Variants in TEX11 observed in about 807,000 individuals in gnomAD.
The protein encoded by TEX11 is testis-expressed protein 11.
In TEX11, 7 loss-of-function variants were observed where a neutral mutation model predicts 84.4. The observed-to-expected ratio is 0.08, with a 90% CI of 0.05 to 0.16. TEX11 has a LOEUF of 0.16. Among genes scored for constraint, TEX11 ranks in the 10% least tolerant of loss-of-function variants. TEX11 has a pLI of 1.00. For missense variants in TEX11, 551 were observed against 660.5 expected, an observed-to-expected ratio of 0.83 and a Z score of 1.82; for synonymous variants, 264 against 222.8, an observed-to-expected ratio of 1.18 and a Z score of -1.64.
intron 8 of TEX11, among the ~76,000 whole-genome samples, chrX:70,828,738 G>A (rs1409449633): frequency 1.8e-5 from 2 of 111,101 alleles, no homozygotes. Context: ...TCAAGTATAA[G>A]AAGGTTATAG....
intron 27 of TEX11, 147 bp downstream of exon 27, chrX:70,553,159 C>T (rs760181273): frequency 6.0e-6 from 2 of 331,999 alleles, no homozygotes; most frequent in South Asian, 2.6e-4. Context: ...TGTAATACAA[C>T]TCTCAGTATG....
intron 2 of TEX11, among the ~76,000 whole-genome samples, chrX:70,894,850 C>A (rs2091758895): frequency 9.0e-6 from 1 of 111,658 alleles, no homozygotes; most frequent in Non-Finnish European, 1.9e-5. Context: ...ATGCTAAAAA[C>A]TCTCAATAAA....
At position 70,750,888 on chromosome X, in the gene TEX11, A is replaced by G. The variant is rs1361676477; in HGVS notation, c.693-6669T>C. On this transcript the variant is annotated intron_variant, in intron 9 of 29. Transcript: ENST00000374333. ...TATACATATGTAACTAACCTGCACA[A>G]TGTGCACATGTATCCTAAAACTTAA... Among the ~76,000 whole-genome samples, 52 of 76,478 alleles carry G rather than the reference A, an allele frequency of 6.8e-4. 1 individual carries two copies. The highest frequency in any genetic ancestry group is 2.3e-3 in the African/African-American group (49 of 21,508). The allele number at this position is 76,478 out of a possible 115,157, so 66.4% of individuals were successfully genotyped here. A position where few individuals can be genotyped will look rare whatever the true frequency, so the allele number is the denominator to read the frequency against.
At chrX:70,823,943 C>A (rs772722658) in intron 8 of TEX11, among the ~76,000 whole-genome samples, 2 of 111,652 alleles carry the variant, frequency 1.8e-5, no homozygotes, top group Non-Finnish European at 3.8e-5. Context: ...TCACTTAAAT[C>A]TGAAAGATGG....
intron 9 of TEX11, among the ~76,000 whole-genome samples, chrX:70,803,269 T>C (rs1401490971): frequency 8.9e-6 from 1 of 112,459 alleles, no homozygotes; most frequent in Non-Finnish European, 1.9e-5. Flanking sequence ...GGCAAATACG[T>C]TGACAATCCA....
chrX:70,752,310 A>C (rs2090832077), intron 9 of TEX11, among the ~76,000 whole-genome samples: 1 of 110,336 alleles, frequency 9.1e-6, no homozygotes, highest in Non-Finnish European at 1.9e-5. Context: ...TTATCACCTG[A>C]AGTCAGGAGT....
chrX:70,766,710 C>T (rs771725985), intron 9 of TEX11, among the ~76,000 whole-genome samples: 1 of 111,387 alleles, frequency 9.0e-6, no homozygotes, highest in East Asian at 2.8e-4. Flanking sequence ...AGGAATCACA[C>T]TACCTGACTA....
chrX:70,772,443 G>A (rs756391135), intron 9 of TEX11, among the ~76,000 whole-genome samples: 4 of 110,667 alleles, frequency 3.6e-5, no homozygotes, highest in South Asian at 3.9e-4. Context: ...GCATGGTGAC[G>A]CACACCTGTG....
rs138769315 is a variant in TEX11 at position 70,687,334 on chromosome X, A to G, written c.1005-4509T>C. Reference sequence around the variant, plus strand: ...ATTACAGTTTAAAACTTAACAAGATATCCTCAATATTCTTAAGTATTTAAT... The same window carrying G: ...ATTACAGTTTAAAACTTAACAAGATGTCCTCAATATTCTTAAGTATTTAAT... On this transcript the variant is annotated intron_variant, in intron 13 of 29. Transcript: ENST00000374333. Among the ~76,000 whole-genome samples, 960 of 112,192 alleles carry G rather than the reference A, an allele frequency of 8.6e-3. 12 individuals carry two copies. Among genetic ancestry groups the G allele is most frequent in the African/African-American group, 0.03 (924 of 30,911 alleles).
Position 70,553,307 on chromosome X carries a change from T to G in TEX11, c.2398A>C (p.Ser800Arg), listed in dbSNP as rs201040035. ...KEEPIDISQY[S>R]KCMHNLVNLS... Reference sequence around the variant, plus strand: ...AAAGGCTGGATTGTATTTACTAACCTGTATTGTGATATATCAATTGGTTCT... The same window carrying G: ...AAAGGCTGGATTGTATTTACTAACCGGTATTGTGATATATCAATTGGTTCT... Residue 800 changes from serine to arginine, a missense_variant and splice_region_variant, in exon 27 of 30, where the codon AGC becomes CGC. Coordinates refer to ENST00000374333, the MANE Select transcript of TEX11 (RefSeq NM_031276.3). 1 of 1,169,671 alleles carries G rather than the reference T, an allele frequency of 8.5e-7. No individual in the cohort carries two copies. Among genetic ancestry groups the G allele is most frequent in the East Asian group, 3.0e-5 (1 of 33,465 alleles).
chrX:70,764,861 C>T (rs1266703167), intron 9 of TEX11, among the ~76,000 whole-genome samples: 3 of 111,150 alleles, frequency 2.7e-5, no homozygotes, highest in African/African-American at 9.8e-5. Flanking sequence ...AAGCTGGGGA[C>T]CCAATGACTT....
the TEX11 span, among the ~76,000 whole-genome samples, chrX:70,521,922 A>G: frequency 1.8e-5 from 2 of 110,005 alleles, no homozygotes; most frequent in African/African-American, 6.6e-5. Flanking sequence ...GCAGTGGTAT[A>G]ATCTCAGCTC....
chrX:70,591,706 A>G, intron 25 of TEX11, 45 bp downstream of exon 25: 4 of 1,034,638 alleles, frequency 3.9e-6, no homozygotes, highest in Non-Finnish European at 5.4e-6. Flanking sequence ...TTCGATTCTA[A>G]GCTCCTTTCA....
At chrX:70,681,039 G>A (rs1223006802) in intron 14 of TEX11, among the ~76,000 whole-genome samples, 5 of 112,828 alleles carry the variant, frequency 4.4e-5, no homozygotes, top group Admixed American at 9.3e-5. Context: ...CTTAACTTGC[G>A]TTGATTGTTT....
At chrX:70,589,487 T>A (rs1401132592) in intron 25 of TEX11, among the ~76,000 whole-genome samples, 1 of 111,198 alleles carries the variant, frequency 9.0e-6, no homozygotes, top group Non-Finnish European at 1.9e-5. Flanking sequence ...AGAAATTCAT[T>A]TTTTTTGGTG....
intron 13 of TEX11, among the ~76,000 whole-genome samples, chrX:70,687,058 C>T (rs1354221907): frequency 9.0e-6 from 1 of 111,301 alleles, no homozygotes; most frequent in Non-Finnish European, 1.9e-5. Flanking sequence ...CAAATATATA[C>T]CAAAGTGGAG....
intron 9 of TEX11, among the ~76,000 whole-genome samples, chrX:70,774,689 A>T (rs772696650): frequency 9.0e-6 from 1 of 111,584 alleles, no homozygotes; most frequent in Non-Finnish European, 1.9e-5. Flanking sequence ...ACTAAAAAGC[A>T]CTGGTGAAAG....
chrX:70,638,446 G>C (rs1468152198), intron 17 of TEX11, among the ~76,000 whole-genome samples: 1 of 111,479 alleles, frequency 9.0e-6, no homozygotes, highest in Non-Finnish European at 1.9e-5. Flanking sequence ...CAAAAGCTGA[G>C]GGAGTTCATT....
chrX:70,622,678 T>C (rs1265145556), intron 20 of TEX11, among the ~76,000 whole-genome samples: 1 of 111,731 alleles, frequency 9.0e-6, no homozygotes, highest in Non-Finnish European at 1.9e-5. Flanking sequence ...TTCTTATTGG[T>C]GAAAACTTCA....
Sources: gnomAD v4.1 joint callset for allele counts (sites outside exome capture counted in the v4.1 genomes callset) on GRCh38, gnomAD v4.1.1 for gene constraint, MANE v1.5 for transcripts, NCBI Gene and HGNC (gene_info 2026-07-23, HGNC 2026-07-21) for gene names.